KLRG1: variants seen among roughly 807,000 people sequenced by gnomAD.
KLRG1 encodes killer cell lectin like receptor G1.
KLRG1 carries 16 observed loss-of-function variants against 21.8 expected under a neutral mutation model. The ratio of observed to expected loss-of-function variants is 0.73; its 90% confidence interval spans 0.50 to 1.11. The LOEUF (loss-of-function observed/expected upper bound fraction) is 1.11. Among genes scored for constraint, KLRG1 ranks in the 50% most tolerant of loss-of-function variants. The pLI is 0.00. For missense variants in KLRG1, 173 were observed against 218.3 expected (o/e 0.79, Z 1.31); for synonymous variants, 69 against 75.9 (o/e 0.91, Z 0.47).
chr12:8,982,425 T>G (rs1265699374), intron 1 of KLRG1, among the ~76,000 whole-genome samples: 2 of 152,218 alleles, frequency 1.3e-5, no homozygotes, highest in Non-Finnish European at 2.9e-5. Flanking sequence ...GATTTTGGAC[T>G]TCTGACCTAC....
At chr12:9,116,725 G>A in the KLRG1 span, among the ~76,000 whole-genome samples, 2 of 152,110 alleles carry the variant, frequency 1.3e-5, no homozygotes, top group East Asian at 3.8e-4. Context: ...TGCTTTGTAA[G>A]TATTTTTTGA....
chr12:9,074,898 A>AC, the KLRG1 span: 1 of 1,097,614 alleles, frequency 9.1e-7, no homozygotes, highest in African/African-American at 1.6e-5. Context: ...AATCCCCTGT[A>AC]CTGTATGTAG....
chr12:8,969,670 A>G (rs2137249256), intron 1 of KLRG1, among the ~76,000 whole-genome samples: 1 of 152,360 alleles, frequency 6.6e-6, no homozygotes, highest in African/African-American at 2.4e-5. Flanking sequence ...TAGAAAATAG[A>G]AAAACAACAG....
chr12:9,200,930 C>A, the KLRG1 span: 1 of 1,614,006 alleles, frequency 6.2e-7, no homozygotes, highest in Non-Finnish European at 8.5e-7. Flanking sequence ...TATCCTTCCA[C>A]CTGATTCTGT....
At chr12:9,051,654 C>T in the KLRG1 span, among the ~76,000 whole-genome samples, 1 of 152,154 alleles carries the variant, frequency 6.6e-6, no homozygotes, top group African/African-American at 2.4e-5. Context: ...AAAATCAACA[C>T]CCCCAAAAAT....
intron 1 of KLRG1, 116 bp from the exon 2 acceptor site, chr12:8,992,090 G>A (rs1946987857): frequency 1.3e-6 from 1 of 745,582 alleles, no homozygotes; most frequent in Non-Finnish European, 2.2e-6. Flanking sequence ...TTTATGGCCT[G>A]GATCTCAGTT....
chr12:9,085,292 C>T, the KLRG1 span, among the ~76,000 whole-genome samples: 25 of 152,100 alleles, frequency 1.6e-4, no homozygotes, highest in African/African-American at 6.0e-4. Context: ...AGACTGAAAT[C>T]GTTTCATCGT....
At chr12:9,090,769 T>G in the KLRG1 span, among the ~76,000 whole-genome samples, 2 of 152,212 alleles carry the variant, frequency 1.3e-5, no homozygotes, top group East Asian at 3.9e-4. Context: ...TCTGGAACTT[T>G]GACCATTCCC....
At chr12:9,165,258 C>G in the KLRG1 span, 1 of 1,614,050 alleles carries the variant, frequency 6.2e-7, no homozygotes. Flanking sequence ...CGGAGAGAGG[C>G]AGTGGAAGAG....
In KLRG1 at chr12:8,951,881, A is replaced by C. The variant is rs974644500; in HGVS notation, c.-156+1645A>C. 2.6e-5 allele frequency among the ~76,000 whole-genome samples: 4 copies of C among 152,314 alleles called. No homozygotes were observed. In the East Asian group the frequency reaches 7.7e-4, roughly 29 times the overall value. On this transcript the variant is annotated intron_variant, in intron 1 of 4. Coordinates refer to the KLRG1 transcript ENST00000539240. ...GAATGGGCCAAAAATGCAATTGAGT[A>C]GGTTGATTAACTTGTCTGCTGTCAG...
At chr12:9,092,283 A>G in the KLRG1 span, among the ~76,000 whole-genome samples, 2 of 152,168 alleles carry the variant, frequency 1.3e-5, no homozygotes, top group Admixed American at 6.5e-5. Context: ...GCTCGTACCT[A>G]AGGGTCTGGC....
At chr12:9,103,877 T>A in the KLRG1 span, among the ~76,000 whole-genome samples, 1 of 152,204 alleles carries the variant, frequency 6.6e-6, no homozygotes, top group Admixed American at 6.5e-5. Flanking sequence ...TGAACACGGG[T>A]GTGCAAATAG....
the KLRG1 span, chr12:9,077,264 T>C: frequency 7.8e-7 from 1 of 1,274,040 alleles, no homozygotes; most frequent in East Asian, 2.5e-5. Flanking sequence ...TTGCTTTTAA[T>C]AGGATAGTAT....
At chr12:8,957,503 T>C (rs945584391) in intron 1 of KLRG1, among the ~76,000 whole-genome samples, 30 of 151,898 alleles carry the variant, frequency 2.0e-4, no homozygotes, top group African/African-American at 7.3e-4. Flanking sequence ...ATACTTGTTT[T>C]GTTTTTTGTT....
intron 3 of KLRG1, chr12:8,996,533 G>C (rs1947136320): frequency 6.6e-6 from 1 of 152,054 alleles, no homozygotes; most frequent in South Asian, 2.1e-4. Context: ...AAAGCAGTGG[G>C]GGAGAACATA....
At chr12:9,086,188 CA>C in the KLRG1 span, among the ~76,000 whole-genome samples, 2,422 of 152,070 alleles carry the variant, frequency 0.016, 69 homozygotes, top group African/African-American at 0.056. Flanking sequence ...AAAGACATTA[CA>C]AAAAAGAATT....
chr12:8,969,363 C>T (rs949962337), intron 1 of KLRG1, among the ~76,000 whole-genome samples: 2 of 152,174 alleles, frequency 1.3e-5, no homozygotes, highest in African/African-American at 4.8e-5. Context: ...TGTGGGCTCC[C>T]AGGCTGTTGC....
chr12:9,074,458 ACTGT>A, the KLRG1 span: 1 of 1,140,836 alleles, frequency 8.8e-7, no homozygotes, highest in Middle Eastern at 2.4e-4. Flanking sequence ...ATTTCAAGTT[ACTGT>A]CATCTGTATT....
At chr12:9,150,200 A>G in the KLRG1 span, among the ~76,000 whole-genome samples, 2 of 152,228 alleles carry the variant, frequency 1.3e-5, no homozygotes, top group African/African-American at 2.4e-5. Context: ...ACTATATATT[A>G]TCATTCTTTT....
Sources: gnomAD v4.1 joint callset for allele counts (sites outside exome capture counted in the v4.1 genomes callset) on GRCh38, gnomAD v4.1.1 for gene constraint, MANE v1.5 for transcripts, NCBI Gene and HGNC (gene_info 2026-07-23, HGNC 2026-07-21) for gene names.